The following NEBL variants were observed in gnomAD, a reference collection of about 807,000 sequenced individuals.
NEBL encodes nebulette.
Under a neutral mutation model 140.2 loss-of-function variants are expected in NEBL, and 122 were observed. The observed-to-expected ratio is 0.87, with a 90% CI of 0.75 to 1.01. NEBL has a LOEUF of 1.01. Ranked by LOEUF, NEBL falls within the 50% of genes least tolerant of loss-of-function variation. The pLI is 0.00. For synonymous variants in NEBL, 436 were observed against 398.9 expected (o/e 1.09, Z -1.11); for missense variants, 1,365 against 1,231.3 (o/e 1.11, Z -1.62).
rs756741896 is a variant in NEBL at position 20,997,634 on chromosome 10, T to G, written c.249+22483A>C. ...TACACAGAAAAGCAAATTTCTAATA[T>G]AATTGGGTACTTTCTATGATCAGAT... is the stretch of plus-strand genomic sequence containing the variant. On this transcript the variant is annotated intron_variant, in intron 3 of 6. Transcript: ENST00000417816. Among the ~76,000 whole-genome samples, 24 of 152,042 alleles carry G rather than the reference T, an allele frequency of 1.6e-4. No homozygotes were observed. The Middle Eastern group carries it at 0.017, about 108-fold the overall frequency.
chr10:21,269,671 C>A (rs1363190872), intron 1 of NEBL, among the ~76,000 whole-genome samples: 1 of 152,216 alleles, frequency 6.6e-6, no homozygotes, highest in Non-Finnish European at 1.5e-5. Context: ...AATATAATTG[C>A]ATCAGGCTGT....
intron 2 of NEBL, among the ~76,000 whole-genome samples, chr10:21,090,540 T>C (rs76712169): frequency 0.025 from 3,790 of 152,260 alleles, 166 homozygotes; most frequent in African/African-American, 0.087. Context: ...CCCCCACAGA[T>C]ATTGAGGGAC....
At chr10:21,174,929 C>A (rs1471772048), upstream of NEBL, 1 of 152,090 alleles carries the variant, frequency 6.6e-6, no homozygotes, top group Non-Finnish European at 1.5e-5. Context: ...TTTAAGTGTG[C>A]GTGGATGTAT....
intron 3 of NEBL, among the ~76,000 whole-genome samples, chr10:21,215,182 C>G (rs1361853100): frequency 1.3e-5 from 2 of 152,174 alleles, no homozygotes; most frequent in African/African-American, 4.8e-5. Flanking sequence ...TGGTGGCACG[C>G]ACCTGCAGTC....
chr10:21,215,024 C>A (rs7092785), intron 3 of NEBL, among the ~76,000 whole-genome samples: 17,129 of 152,150 alleles, frequency 0.11, 2,286 homozygotes, highest in African/African-American at 0.32. Flanking sequence ...ATCCCTCCGA[C>A]CCCATGAAGA....
At chr10:21,125,361 AG>A (rs912262362) in intron 2 of NEBL, among the ~76,000 whole-genome samples, 1 of 152,178 alleles carries the variant, frequency 6.6e-6, no homozygotes, top group Non-Finnish European at 1.5e-5. Flanking sequence ...CTCCTATGAA[AG>A]GGATGTTTCA....
intron 2 of NEBL, among the ~76,000 whole-genome samples, chr10:20,895,351 AT>A (rs1446832684): frequency 6.6e-6 from 1 of 152,290 alleles, no homozygotes; most frequent in East Asian, 1.9e-4. Flanking sequence ...GAAGAACAAC[AT>A]TTCATGGAAA....
intron 2 of NEBL, among the ~76,000 whole-genome samples, chr10:21,140,396 G>T (rs561375047): frequency 6.6e-6 from 1 of 152,198 alleles, no homozygotes; most frequent in East Asian, 1.9e-4. Context: ...GTTTGCTAAG[G>T]TCTTCAGGTT....
chr10:20,844,368 T>C lies in NEBL; in HGVS notation c.1227+890A>G, dbSNP rs1841702851. 4.0e-5 allele frequency among the ~76,000 whole-genome samples: 6 copies of C among 150,882 alleles called. No individual in the cohort carries two copies. The Admixed American group carries it at 4.0e-4, about 10-fold the overall frequency. ...TACATTCCGTTTATATATCATAAAA[T>C]ATATATTATATTGTGTATAAGATAT... On this transcript the variant is annotated intron_variant, in intron 12 of 27. Coordinates refer to ENST00000377122, the MANE Select transcript of NEBL (RefSeq NM_006393.3).
At chr10:20,813,906 G>T in intron 23 of NEBL, 33 bp downstream of exon 23, 2 of 1,346,832 alleles carry the variant, frequency 1.5e-6, no homozygotes, top group Non-Finnish European at 2.1e-6. Context: ...CCATTCCTTA[G>T]CATGTTTTAA....
chr10:21,286,695 G>T (rs568886543), intron 1 of NEBL, among the ~76,000 whole-genome samples: 133 of 152,296 alleles, frequency 8.7e-4, no homozygotes, highest in Middle Eastern at 6.8e-3. Flanking sequence ...TTAGCCAGGC[G>T]TGGTGGTGGG....
chr10:21,101,920 T>C (rs1008295491), intron 2 of NEBL, among the ~76,000 whole-genome samples: 13 of 152,252 alleles, frequency 8.5e-5, no homozygotes, highest in African/African-American at 3.1e-4. Context: ...ATCTATTTAC[T>C]GAGCACCACT....
chr10:21,070,128 A>G, intron 2 of NEBL: 2 of 379,956 alleles, frequency 5.3e-6, no homozygotes, highest in Non-Finnish European at 1.1e-5. Flanking sequence ...CGGGAGGCAA[A>G]ATAGCATTAC....
At chr10:20,914,682 C>T (rs1337338506) in intron 4 of NEBL, among the ~76,000 whole-genome samples, 3 of 151,984 alleles carry the variant, frequency 2.0e-5, no homozygotes, top group Non-Finnish European at 4.4e-5. Context: ...TTGAATTTAA[C>T]GATAACCTAG....
At chr10:21,004,421 G>A (rs58201221) in intron 3 of NEBL, among the ~76,000 whole-genome samples, 2,809 of 152,188 alleles carry the variant, frequency 0.018, 83 homozygotes, top group African/African-American at 0.063. Flanking sequence ...ATTAACAAGC[G>A]TAAATAAGAA....
At position 20,893,041 on chromosome 10, in the gene NEBL, G is replaced by A. The variant is rs114618279; in HGVS notation, c.154-3092C>T. 2.6e-3 allele frequency among the ~76,000 whole-genome samples: 403 copies of A among 152,242 alleles called. 2 individuals carry two copies. The highest frequency in any genetic ancestry group is 9.5e-3 in the African/African-American group (394 of 41,548). On this transcript the variant is annotated intron_variant, in intron 2 of 27. Coordinates refer to ENST00000377122, the MANE Select transcript of NEBL (RefSeq NM_006393.3). ...ATTGAAAGGATTTACCCACAACAACGTTCATTTGCCTGGAAAATATTCTTC... is the reference window on the plus strand; with the variant it reads ...ATTGAAAGGATTTACCCACAACAACATTCATTTGCCTGGAAAATATTCTTC...
At chr10:20,915,297 C>T (rs887004923) in intron 4 of NEBL, among the ~76,000 whole-genome samples, 1 of 151,494 alleles carries the variant, frequency 6.6e-6, no homozygotes, top group African/African-American at 2.4e-5. Context: ...GGTACATGTG[C>T]ACATTGTGCA....
At chr10:20,963,228 C>A (rs113743677) in intron 3 of NEBL, among the ~76,000 whole-genome samples, 1 of 152,200 alleles carries the variant, frequency 6.6e-6, no homozygotes, top group Non-Finnish European at 1.5e-5. Flanking sequence ...CTCCATCTCC[C>A]AGCATGGGTA....
intron 2 of NEBL, among the ~76,000 whole-genome samples, chr10:21,080,529 C>T (rs1258685692): frequency 6.6e-6 from 1 of 152,120 alleles, no homozygotes; most frequent in African/African-American, 2.4e-5. Context: ...ATGAAGTTAG[C>T]CTTGGATCTT....
Sources: allele counts gnomAD v4.1 joint callset (sites outside exome capture counted in the v4.1 genomes callset), GRCh38; gene constraint gnomAD v4.1.1; transcripts MANE v1.5; gene names NCBI Gene and HGNC (gene_info 2026-07-23, HGNC 2026-07-21).